ABCG8: variants seen among roughly 807,000 people sequenced by gnomAD.
The protein encoded by ABCG8 is ATP-binding cassette sub-family G member 8.
A neutral mutation model predicts 71.3 loss-of-function variants in ABCG8; 81 were observed. The observed-to-expected ratio is 1.14, with a 90% confidence interval of 0.95 to 1.37. ABCG8 has a LOEUF of 1.37. ABCG8 is among the 40% of genes most tolerant of loss of function. ABCG8 has a pLI of 0.00. For missense variants in ABCG8, 1,119 were observed against 866.2 expected (o/e 1.29, Z -3.66); for synonymous variants, 451 against 354.7 (o/e 1.27, Z -3.05).
intron 1 of ABCG8, among the ~76,000 whole-genome samples, chr2:43,841,454 T>C (rs904671383): frequency 6.6e-5 from 10 of 152,038 alleles, no homozygotes; most frequent in South Asian, 2.1e-4. Flanking sequence ...ATACAGAGAG[T>C]TTGTCAAAAC....
chr2:43,869,581 A>G (rs1475978019), intron 6 of ABCG8, among the ~76,000 whole-genome samples: 2 of 151,616 alleles, frequency 1.3e-5, no homozygotes, highest in African/African-American at 2.4e-5. Flanking sequence ...AACTCTCAGT[A>G]TCTGGATAGA....
intron 6 of ABCG8, among the ~76,000 whole-genome samples, chr2:43,859,965 C>G (rs1226563255): frequency 1.3e-5 from 2 of 151,380 alleles, no homozygotes; most frequent in Middle Eastern, 3.4e-3. Context: ...GGATAGAACT[C>G]TCACTATCAA....
chr2:43,842,203 G>T (rs1192687685), intron 1 of ABCG8, among the ~76,000 whole-genome samples: 1 of 152,102 alleles, frequency 6.6e-6, no homozygotes, highest in Non-Finnish European at 1.5e-5. Context: ...AGTAGAGACA[G>T]GGTTTCACTG....
In ABCG8 at chr2:43,852,492, G is replaced by A. The variant is rs1157617997; in HGVS notation, c.694+6G>A. 5 of 1,613,342 alleles carry A rather than the reference G, an allele frequency of 3.1e-6. No homozygotes were observed. The East Asian group carries it at 1.1e-4, about 36-fold the overall frequency. ...GCAGCTCCTGTGGAACCCAGGTGAG[G>A]GCCTGGGGGGCAGATGGGGGCAGAG... On this transcript the variant is annotated splice_donor_region_variant and intron_variant, in intron 5 of 12. Transcript: ENST00000272286.
chr2:43,852,529 G>C (rs753209069), intron 5 of ABCG8, 43 bp downstream of exon 5: 5 of 1,613,902 alleles, frequency 3.1e-6, no homozygotes, highest in Non-Finnish European at 4.2e-6. Context: ...GACCTGTGCG[G>C]TCCCCTCAGG....
intron 6 of ABCG8, among the ~76,000 whole-genome samples, chr2:43,857,970 A>G (rs1669171440): frequency 6.6e-6 from 1 of 151,112 alleles, no homozygotes; most frequent in Non-Finnish European, 1.5e-5. Flanking sequence ...CCATCTGGAT[A>G]GAATTCTCAC....
chr2:43,846,688 G>C lies in ABCG8; in HGVS notation c.322+377G>C, dbSNP rs745501338. On this transcript the variant is annotated intron_variant, in intron 3 of 12. Transcript: ENST00000272286. ...GGTTGTTCCTCCACAATCACATTCT[G>C]ATTATGGCCAGACAGCCCCTGCCAC... 1.0e-3 allele frequency: 336 copies of C among 324,594 alleles called. 7 individuals are homozygous for C. Among genetic ancestry groups the C allele is most frequent in the Non-Finnish European group, 2.2e-4 (36 of 166,054 alleles). 20.1% of individuals were successfully genotyped at this position (324,594 alleles called of 1,614,324 possible).
intron 6 of ABCG8, among the ~76,000 whole-genome samples, chr2:43,865,064 C>T (rs765790263): frequency 4.6e-5 from 7 of 151,634 alleles, no homozygotes; most frequent in Non-Finnish European, 8.8e-5. Context: ...GGATAGAACT[C>T]CCACTATCTG....
chr2:43,855,042 C>T (rs1669055246), intron 6 of ABCG8, among the ~76,000 whole-genome samples: 1 of 152,240 alleles, frequency 6.6e-6, no homozygotes. Context: ...TCCAGCCAGA[C>T]ATTCTCCTGC....
At chr2:43,839,338 T>G (rs758242467) in intron 1 of ABCG8, among the ~76,000 whole-genome samples, 13 of 151,794 alleles carry the variant, frequency 8.6e-5, no homozygotes, top group East Asian at 5.8e-4. Flanking sequence ...AAATGCTCTT[T>G]TAGGGAAATG....
At chr2:43,869,194 T>C (rs540675307) in intron 6 of ABCG8, among the ~76,000 whole-genome samples, 2 of 152,160 alleles carry the variant, frequency 1.3e-5, no homozygotes, top group Admixed American at 1.3e-4. Context: ...ATTCTCACTA[T>C]CATTCTGGAC....
Position 43,874,464 on chromosome 2 carries a change from G to T in ABCG8, c.1469G>T (p.Gly490Val), listed in dbSNP as rs1262203792. The T allele has an allele frequency of 6.2e-7, 1 of 1,613,802 alleles. No homozygotes were observed. The highest frequency in any genetic ancestry group is 1.1e-5 in the South Asian group (1 of 91,066). ...YELEDGLYTT[G>V]PYFFAKILGE... ...CTGGAAGACGGGCTGTACACCACTG[G>T]TCCATATTTCTTTGCCAAGGTGACT... The change falls in exon 10 of 13, where the codon GGT becomes GTT. Residue 490 changes from glycine (G) to valine (V), a missense_variant. By Grantham distance (109) the Gly-to-Val change is moderately radical (BLOSUM62 -3). Transcript: ENST00000272286.
intron 6 of ABCG8, among the ~76,000 whole-genome samples, chr2:43,855,795 T>A (rs1669083493): frequency 6.6e-6 from 1 of 152,168 alleles, no homozygotes; most frequent in African/African-American, 2.4e-5. Context: ...GAACTCTCAC[T>A]ATCTATCTGG....
intron 9 of ABCG8, 48 bp downstream of exon 9, chr2:43,874,034 A>T (rs1234712471): frequency 1.3e-6 from 2 of 1,596,706 alleles, no homozygotes; most frequent in African/African-American, 2.7e-5. Context: ...AGCCACCTCC[A>T]AGCTGTGTTC....
Position 43,880,678 on chromosome 2 carries a change from G to C in ABCG8, c.*2765G>C. On this transcript the variant is annotated 3_prime_UTR_variant, in exon 13 of 13. Coordinates refer to ENST00000272286, the MANE Select transcript of ABCG8 (RefSeq NM_022437.3). ...TGTGTGTGTGTGCGCGCGCGCGCGCGCATGTGCATACATATACACCTAAGT... is the reference window on the plus strand; with the variant it reads ...TGTGTGTGTGTGCGCGCGCGCGCGCCCATGTGCATACATATACACCTAAGT... The C allele has an allele frequency of 6.6e-6, 1 of 152,222 alleles. No individual in the cohort carries two copies. The highest frequency in any genetic ancestry group is 2.1e-4 in the South Asian group (1 of 4,828). The allele number at this position is 152,222 out of a possible 1,614,324, so 9.4% of individuals were successfully genotyped here. A position where few individuals can be genotyped will look rare whatever the true frequency, so the allele number is the denominator to read the frequency against.
At chr2:43,840,128 G>A (rs547231622) in intron 1 of ABCG8, among the ~76,000 whole-genome samples, 47 of 152,308 alleles carry the variant, frequency 3.1e-4, no homozygotes, top group African/African-American at 1.1e-3. Context: ...ATCTTTGCCT[G>A]TTGTGGGTAG....
intron 6 of ABCG8, among the ~76,000 whole-genome samples, chr2:43,860,150 T>C (rs1669257074): frequency 6.6e-6 from 1 of 151,306 alleles, no homozygotes; most frequent in South Asian, 2.1e-4. Context: ...TCTGTCTGGA[T>C]AAAATTCTCA....
chr2:43,867,373 C>A (rs1243921169), intron 6 of ABCG8, among the ~76,000 whole-genome samples: 1 of 151,974 alleles, frequency 6.6e-6, no homozygotes, highest in African/African-American at 2.4e-5. Context: ...TTCTCACCCT[C>A]TGGAGAGAAC....
rs1254876351 is a variant in ABCG8, at chr2:43,839,045, G to C, written c.-9G>C. ...AGCTGCAGCCCAGGGTCACAGACCT[G>C]TGGGCCCCATGGCCGGGAAGGCGGC... On this transcript the variant is annotated 5_prime_UTR_variant, in exon 1 of 13. Transcript: ENST00000272286. 2 of 1,550,724 alleles carry C rather than the reference G, an allele frequency of 1.3e-6. No homozygotes were observed. Among genetic ancestry groups the C allele is most frequent in the Non-Finnish European group, 1.7e-6 (2 of 1,146,694 alleles).
Sources: allele counts gnomAD v4.1 joint callset (sites outside exome capture counted in the v4.1 genomes callset), GRCh38; gene constraint gnomAD v4.1.1; transcripts MANE v1.5; gene names NCBI Gene and HGNC (gene_info 2026-07-23, HGNC 2026-07-21).